CPPED1: variants seen among roughly 807,000 people sequenced by gnomAD.
The protein encoded by CPPED1 is serine/threonine-protein phosphatase CPPED1.
In CPPED1, 28 loss-of-function variants were observed where a neutral mutation model predicts 28.0. The observed-to-expected ratio is 1.00, with a 90% confidence interval of 0.74 to 1.37. The LOEUF (loss-of-function observed/expected upper bound fraction) is 1.37, where lower values mean the gene tolerates loss of function less well. Ranked by LOEUF, CPPED1 falls within the 40% of genes most tolerant of loss-of-function variation. The probability of loss-of-function intolerance (pLI) is 0.00; values close to 1 mark genes in which losing one functional copy is unlikely to be tolerated. For missense variants in CPPED1, 504 were observed against 416.5 expected, an observed-to-expected ratio of 1.21 and a Z score of -1.83; for synonymous variants, 198 against 180.2, an observed-to-expected ratio of 1.10 and a Z score of -0.79.
intron 2 of CPPED1, among the ~76,000 whole-genome samples, chr16:12,765,462 T>C (rs916765929): frequency 3.9e-5 from 6 of 152,234 alleles, no homozygotes; most frequent in Non-Finnish European, 7.3e-5. Flanking sequence ...CTGTCTGACA[T>C]AATAGGCAGC....
chr16:12,708,787 A>C (rs1300733549), intron 2 of CPPED1, among the ~76,000 whole-genome samples: 1 of 152,210 alleles, frequency 6.6e-6, no homozygotes, highest in Non-Finnish European at 1.5e-5. Flanking sequence ...CCTGAAAAAT[A>C]GTCCCATTGT....
chr16:12,665,257 T>A, intron 3 of CPPED1, 142 bp from the exon 4 acceptor site: 2 of 706,588 alleles, frequency 2.8e-6, no homozygotes, highest in Non-Finnish European at 4.2e-6. Context: ...AAATGTATAA[T>A]ATTATTCTGT....
chr16:12,801,231 C>T (rs2080657621), intron 1 of CPPED1, among the ~76,000 whole-genome samples: 1 of 152,130 alleles, frequency 6.6e-6, no homozygotes, highest in South Asian at 2.1e-4. Flanking sequence ...GTAGCTAGGA[C>T]TACAGGCATG....
At chr16:12,797,605 T>C (rs1023664554) in intron 1 of CPPED1, among the ~76,000 whole-genome samples, 1 of 152,060 alleles carries the variant, frequency 6.6e-6, no homozygotes, top group Non-Finnish European at 1.5e-5. Flanking sequence ...CCTGTAATCC[T>C]AGCACAGGGA....
At chr16:12,673,974 A>G (rs1337231969) in intron 3 of CPPED1, among the ~76,000 whole-genome samples, 1 of 152,072 alleles carries the variant, frequency 6.6e-6, no homozygotes, top group African/African-American at 2.4e-5. Context: ...GCTTGAGCTC[A>G]GGAGTTGGAG....
intron 1 of CPPED1, among the ~76,000 whole-genome samples, chr16:12,798,513 G>A (rs899849672): frequency 1.3e-5 from 2 of 152,124 alleles, no homozygotes; most frequent in Admixed American, 6.6e-5. Context: ...TTTTTTTACT[G>A]ACACTATTCT....
intron 1 of CPPED1, among the ~76,000 whole-genome samples, chr16:12,788,583 G>C (rs183532825): frequency 8.0e-4 from 122 of 152,146 alleles, no homozygotes; most frequent in African/African-American, 2.8e-3. Flanking sequence ...GGTAGTGAGG[G>C]GGAAGGGAGA....
intron 2 of CPPED1, among the ~76,000 whole-genome samples, chr16:12,732,018 C>T (rs1005097199): frequency 2.6e-5 from 4 of 151,966 alleles, no homozygotes; most frequent in Non-Finnish European, 5.9e-5. Context: ...CAAAAAGTAG[C>T]TGGGCGTAGT....
chr16:12,781,524 A>G lies in CPPED1; in HGVS notation c.71-121T>C. On this transcript the variant is annotated intron_variant, in intron 1 of 3. Transcript: ENST00000381774. ...TTAAATTAAGTAGGTCATTTTAATAAGCTGTGGTTCAAACATACCATTTTC... is the reference window on the plus strand; with the variant it reads ...TTAAATTAAGTAGGTCATTTTAATAGGCTGTGGTTCAAACATACCATTTTC... The G allele has an allele frequency of 3.6e-6, 3 of 829,476 alleles. No homozygotes were observed. In the South Asian group the frequency reaches 5.3e-5, roughly 15 times the overall value. The allele number at this position is 829,476 out of a possible 1,614,324, so 51.4% of individuals were successfully genotyped here.
intron 1 of CPPED1, among the ~76,000 whole-genome samples, chr16:12,788,004 T>C (rs767828661): frequency 2.0e-5 from 3 of 152,186 alleles, no homozygotes; most frequent in Non-Finnish European, 2.9e-5. Context: ...TTGTAGGTTG[T>C]AGGACTGATG....
chr16:12,694,259 A>C (rs2079978226), intron 3 of CPPED1, among the ~76,000 whole-genome samples: 1 of 152,150 alleles, frequency 6.6e-6, no homozygotes, highest in African/African-American at 2.4e-5. Context: ...AGCAATCTAC[A>C]ACCTCAGAGA....
chr16:12,786,056 G>T (rs1210489624), intron 1 of CPPED1, among the ~76,000 whole-genome samples: 1 of 152,164 alleles, frequency 6.6e-6, no homozygotes, highest in African/African-American at 2.4e-5. Flanking sequence ...TTAACGAGGA[G>T]AACTAGCCTG....
rs1458206566 is a variant in CPPED1 at position 12,682,132 on chromosome 16, C to T, written c.716-17017G>A. Among the ~76,000 whole-genome samples the T allele has an allele frequency of 6.6e-6, 1 of 152,094 alleles. No individual in the cohort carries two copies. Among genetic ancestry groups the T allele is most frequent in the African/African-American group, 2.4e-5 (1 of 41,410 alleles). On this transcript the variant is annotated intron_variant, in intron 3 of 3. Coordinates refer to ENST00000381774, the MANE Select transcript of CPPED1 (RefSeq NM_018340.3). This position sits in a 1 kb window ranked among gnomAD's most constrained non-coding sequence, Gnocchi z 6.1. ...CACTGCAACTTGCGTATCCTGGGTT[C>T]AAGCAGTTCTCCCTGCCTCAGCCTC...
chr16:12,786,297 A>G (rs1197840304), intron 1 of CPPED1, among the ~76,000 whole-genome samples: 1 of 152,148 alleles, frequency 6.6e-6, no homozygotes. Context: ...CGCACATCCA[A>G]ATTTGGGAAG....
intron 3 of CPPED1, among the ~76,000 whole-genome samples, chr16:12,680,003 T>C (rs1479066135): frequency 8.5e-5 from 13 of 152,112 alleles, no homozygotes; most frequent in Admixed American, 8.5e-4. Context: ...CTTCTGAGAG[T>C]AGCTCCAAGA....
intron 2 of CPPED1, among the ~76,000 whole-genome samples, chr16:12,737,901 C>T (rs1420440502): frequency 3.3e-5 from 5 of 152,124 alleles, no homozygotes; most frequent in African/African-American, 4.8e-5. Context: ...CCTGCAAAAC[C>T]GAGGAATCCG....
intron 3 of CPPED1, among the ~76,000 whole-genome samples, chr16:12,683,943 A>T (rs752036376): frequency 2.0e-5 from 3 of 152,248 alleles, no homozygotes; most frequent in African/African-American, 4.8e-5. Context: ...CTCAGTTTGT[A>T]GCTTCCATCC....
intron 2 of CPPED1, among the ~76,000 whole-genome samples, chr16:12,741,659 A>G (rs760615601): frequency 1.6e-4 from 25 of 152,222 alleles, no homozygotes; most frequent in Non-Finnish European, 3.4e-4. Context: ...GATGGCTCAC[A>G]GTTAACTGCG....
intron 3 of CPPED1, among the ~76,000 whole-genome samples, chr16:12,688,541 G>A (rs907422642): frequency 6.6e-6 from 1 of 152,120 alleles, no homozygotes; most frequent in Non-Finnish European, 1.5e-5. Context: ...GTTTTGCCAT[G>A]TTGGCCAGGC....
Sources: allele counts gnomAD v4.1 joint callset (sites outside exome capture counted in the v4.1 genomes callset), GRCh38; gene constraint gnomAD v4.1.1; non-coding constraint Gnocchi (gnomAD v3.1); transcripts MANE v1.5; gene names NCBI Gene and HGNC (gene_info 2026-07-23, HGNC 2026-07-21).